The following SMC6 variants were observed in gnomAD, a reference collection of about 807,000 sequenced individuals.
SMC6 encodes the protein structural maintenance of chromosomes 6, also known as structural maintenance of chromosomes protein 6.
A neutral mutation model predicts 142.2 loss-of-function variants in SMC6; 79 were observed. The ratio of observed to expected loss-of-function variants is 0.56; its 90% CI spans 0.46 to 0.67. SMC6 has a LOEUF of 0.67. Among genes scored for constraint, SMC6 ranks in the 30% least tolerant of loss-of-function variants. SMC6 has a pLI of 0.00. For synonymous variants in SMC6, 411 were observed against 412.4 expected, an observed-to-expected ratio of 1.00 and a Z score of 0.04; for missense variants, 1,072 against 1,284.0, an observed-to-expected ratio of 0.83 and a Z score of 2.52.
chr2:17,713,424 A>C (rs1348151421), intron 16 of SMC6: 3 of 468,128 alleles, frequency 6.4e-6, no homozygotes, highest in African/African-American at 6.0e-5. Flanking sequence ...CATACACTGG[A>C]TCCTTTGTCA....
At chr2:17,703,081 A>G (rs1001043286) in intron 19 of SMC6, 76 bp downstream of exon 19, 1 of 951,960 alleles carries the variant, frequency 1.1e-6, no homozygotes, top group Non-Finnish European at 1.5e-6. Flanking sequence ...TGGAGTCAAT[A>G]ATGGGATCTT....
At chr2:17,727,122 G>A (rs1669665811) in intron 7 of SMC6, among the ~76,000 whole-genome samples, 3 of 152,122 alleles carry the variant, frequency 2.0e-5, no homozygotes, top group Admixed American at 2.0e-4. Context: ...TAACGTGATG[G>A]TTATTACTGA....
At chr2:17,668,042 C>A (rs1666583216) in intron 26 of SMC6, among the ~76,000 whole-genome samples, 1 of 151,788 alleles carries the variant, frequency 6.6e-6, no homozygotes, top group Non-Finnish European at 1.5e-5. Context: ...TGCCAAAGTA[C>A]CAAAAAAAAA....
intron 23 of SMC6, among the ~76,000 whole-genome samples, chr2:17,693,310 A>G (rs959513281): frequency 6.6e-6 from 1 of 152,234 alleles, no homozygotes; most frequent in African/African-American, 2.4e-5. Context: ...CCAAATGTCC[A>G]TCAATGATAG....
Position 17,738,212 on chromosome 2 carries a change from A to C in SMC6, c.344+9T>G. On this transcript the variant is annotated intron_variant, in intron 5 of 27. Transcript: ENST00000448223. ...AATTGAAAATAGATGGTAGAAAGCA[A>C]ACACTTACTTCTGTCCATCTTTCAC... The C allele has an allele frequency of 6.3e-7, 1 of 1,588,394 alleles. No individual in the cohort carries two copies. Among genetic ancestry groups the C allele is most frequent in the Non-Finnish European group, 8.6e-7 (1 of 1,160,162 alleles).
intron 5 of SMC6, among the ~76,000 whole-genome samples, chr2:17,734,275 A>T (rs1670041668): frequency 6.6e-6 from 1 of 152,222 alleles, no homozygotes; most frequent in African/African-American, 2.4e-5. Flanking sequence ...ATGAATATAT[A>T]TCCCTGCATC....
intron 5 of SMC6, among the ~76,000 whole-genome samples, chr2:17,735,631 GTA>G (rs1191603761): frequency 1.3e-5 from 2 of 152,212 alleles, no homozygotes; most frequent in Non-Finnish European, 2.9e-5. Flanking sequence ...ACAGTAAACT[GTA>G]TATGTTTAAA....
intron 2 of SMC6, among the ~76,000 whole-genome samples, chr2:17,748,628 A>C (rs1286905403): frequency 6.6e-6 from 1 of 152,222 alleles, no homozygotes; most frequent in East Asian, 1.9e-4. Flanking sequence ...AAATTCCCTG[A>C]GATACTACCA....
At chr2:17,713,706 T>C (rs1043348587) in intron 16 of SMC6, 3 of 315,276 alleles carry the variant, frequency 9.5e-6, no homozygotes, top group Admixed American at 4.5e-5. Context: ...AATTAACAAA[T>C]TTTATTGATT....
At chr2:17,740,215 G>A (rs1345086397) in intron 4 of SMC6, among the ~76,000 whole-genome samples, 1 of 152,068 alleles carries the variant, frequency 6.6e-6, no homozygotes, top group Non-Finnish European at 1.5e-5. Flanking sequence ...TTTATTTCTT[G>A]TCCCATGTGA....
intron 25 of SMC6, among the ~76,000 whole-genome samples, chr2:17,678,209 G>T (rs1346817391): frequency 6.6e-6 from 1 of 152,006 alleles, no homozygotes; most frequent in Non-Finnish European, 1.5e-5. Flanking sequence ...TGGAGACTAT[G>T]TACTTTCCAT....
intron 3 of SMC6, among the ~76,000 whole-genome samples, chr2:17,742,251 T>C (rs1460786427): frequency 6.6e-6 from 1 of 152,202 alleles, no homozygotes; most frequent in Admixed American, 6.5e-5. Flanking sequence ...GATCCAGCCA[T>C]GCATTCAACA....
intron 2 of SMC6, 119 bp from the exon 3 acceptor site, chr2:17,746,070 T>A: frequency 2.0e-6 from 2 of 1,025,470 alleles, no homozygotes; most frequent in East Asian, 3.0e-5. Flanking sequence ...ATTTTTACCT[T>A]AAAAATTAAA....
chr2:17,685,883 C>T (rs2124866818), intron 23 of SMC6, among the ~76,000 whole-genome samples: 1 of 151,638 alleles, frequency 6.6e-6, no homozygotes, highest in Admixed American at 6.6e-5. Flanking sequence ...GCTAATACTC[C>T]ATATATATCT....
In SMC6 at chr2:17,695,238, T is replaced by C; in HGVS notation, c.2592A>G (p.Ala864=). 6.2e-7 allele frequency: 1 copy of C among 1,613,714 alleles called. No individual in the cohort carries two copies. The change falls in exon 23 of 28, where the codon GCA becomes GCG. Residue 864 remains alanine, a synonymous_variant. Transcript: ENST00000448223. ...GATTAATTTCTTTGTCCAGAATTGA[T>C]GCAGATTTTTCTACTTCTATACGCT... is the stretch of plus-strand genomic sequence containing the variant. The part of the protein sequence containing the change: ...CPERIEVEKS[A]SILDKEINRL...
rs1426610547 is a variant in SMC6 at position 17,717,149 on chromosome 2, A to G, written c.1120T>C (p.Tyr374His). 1 of 1,611,024 alleles carries G rather than the reference A, an allele frequency of 6.2e-7. No individual in the cohort carries two copies. Among genetic ancestry groups the G allele is most frequent in the Non-Finnish European group, 8.5e-7 (1 of 1,179,276 alleles). The change falls in exon 13 of 28, where the codon TAT becomes CAT. Residue 374 changes from tyrosine to histidine, a missense_variant. By Grantham distance (83) the Tyr-to-His change is moderately conservative. Coordinates refer to ENST00000448223, the MANE Select transcript of SMC6 (RefSeq NM_001142286.2). ...EVLYNRSLNE[Y>H]KALKKDDEQL... is the part of the protein sequence containing the mutation. Reference sequence around the variant, plus strand: ...TCATCATCTTTCTTTAATGCTTTATATTCGTTTAAGGATCGGTTATATAAA... The same window carrying G: ...TCATCATCTTTCTTTAATGCTTTATGTTCGTTTAAGGATCGGTTATATAAA...
chr2:17,691,448 T>C (rs959101887), intron 23 of SMC6, among the ~76,000 whole-genome samples: 2 of 107,214 alleles, frequency 1.9e-5, no homozygotes, highest in African/African-American at 1.1e-4. Context: ...GTTGCCGTTT[T>C]GAACCAACGA....
intron 3 of SMC6, among the ~76,000 whole-genome samples, chr2:17,744,275 G>A (rs1238149383): frequency 6.6e-6 from 1 of 152,096 alleles, no homozygotes; most frequent in Non-Finnish European, 1.5e-5. Context: ...TATCAGGTGT[G>A]TTGGTATCTC....
intron 3 of SMC6, among the ~76,000 whole-genome samples, chr2:17,745,436 T>C (rs1670697179): frequency 1.3e-5 from 2 of 152,214 alleles, no homozygotes. Flanking sequence ...TTTTCCTTTT[T>C]GAGGATTGGT....
Sources: gnomAD v4.1 joint callset for allele counts (sites outside exome capture counted in the v4.1 genomes callset) on GRCh38, gnomAD v4.1.1 for gene constraint, MANE v1.5 for transcripts, NCBI Gene and HGNC (gene_info 2026-07-23, HGNC 2026-07-21) for gene names.